Variants in CDH12 observed in about 807,000 individuals in gnomAD.
CDH12 encodes cadherin 12, also known as cadherin-12.
In CDH12, 41 loss-of-function variants were observed where a neutral mutation model predicts 74.1. The observed-to-expected ratio is 0.55, with a 90% CI of 0.43 to 0.72. The LOEUF (loss-of-function observed/expected upper bound fraction) is 0.72, where lower values mean the gene tolerates loss of function less well. CDH12 is among the 30% of genes least tolerant of loss of function. CDH12 has a pLI of 0.00. For missense variants in CDH12, 945 were observed against 977.2 expected, an observed-to-expected ratio of 0.97 and a Z score of 0.44; for synonymous variants, 399 against 355.0, an observed-to-expected ratio of 1.12 and a Z score of -1.39.
chr5:22,830,899 CTT>C (rs1437204675), intron 1 of CDH12, among the ~76,000 whole-genome samples: 25 of 151,576 alleles, frequency 1.6e-4, no homozygotes, highest in African/African-American at 5.1e-4. Flanking sequence ...TGATAACAAA[CTT>C]AAATATGCTA....
intron 4 of CDH12, among the ~76,000 whole-genome samples, chr5:22,166,282 G>A (rs1748677230): frequency 6.6e-6 from 1 of 152,112 alleles, no homozygotes. Flanking sequence ...CCTGGAAGAG[G>A]ACCTAGTTAG....
intron 5 of CDH12, among the ~76,000 whole-genome samples, chr5:22,047,294 G>C (rs1740020914): frequency 6.6e-6 from 1 of 151,916 alleles, no homozygotes; most frequent in African/African-American, 2.4e-5. Context: ...GTAACTTATA[G>C]ACCCTTGTTT....
rs185873995 is a variant in CDH12 at position 22,427,150 on chromosome 5, T to C, written c.-427-21799A>G. ...CACTATCAATTATTTGTACAAACCC[T>C]ATACTTTTAGAGAATAAAGGGAATA... On this transcript the variant is annotated intron_variant, in intron 2 of 14. Transcript: ENST00000382254. Among the ~76,000 whole-genome samples, 596 of 152,258 alleles carry C rather than the reference T, an allele frequency of 3.9e-3. 7 individuals are homozygous for C. Among genetic ancestry groups the C allele is most frequent in the African/African-American group, 0.014 (566 of 41,554 alleles).
intron 3 of CDH12, among the ~76,000 whole-genome samples, chr5:22,319,053 A>C (rs931640297): frequency 2.3e-4 from 35 of 152,288 alleles, no homozygotes; most frequent in African/African-American, 7.7e-4. Flanking sequence ...GGCAAGCTGA[A>C]ATTTCATATC....
intron 3 of CDH12, among the ~76,000 whole-genome samples, chr5:22,391,010 C>T (rs149733978): frequency 1.1e-4 from 17 of 152,208 alleles, no homozygotes; most frequent in East Asian, 7.7e-4. Context: ...ATAGAGTGAA[C>T]TATAGGGTTG....
chr5:22,852,282 A>T (rs1737592288), intron 1 of CDH12, among the ~76,000 whole-genome samples: 1 of 152,052 alleles, frequency 6.6e-6, no homozygotes, highest in African/African-American at 2.4e-5. Flanking sequence ...TGTGGTCCCG[A>T]TGTAGCAAAA....
chr5:22,823,001 A>AG (rs1749791537), intron 1 of CDH12, among the ~76,000 whole-genome samples: 1 of 152,178 alleles, frequency 6.6e-6, no homozygotes. Context: ...CAACAAGGAT[A>AG]GACTGGATTA....
intron 5 of CDH12, among the ~76,000 whole-genome samples, chr5:22,019,872 T>A (rs934952413): frequency 4.6e-5 from 7 of 152,146 alleles, no homozygotes; most frequent in Non-Finnish European, 1.0e-4. Flanking sequence ...GCAACCTAAC[T>A]GTCAATATGT....
Position 21,797,297 on chromosome 5 carries a change from C to G in CDH12, c.1256+4870G>C, listed in dbSNP as rs528858883. Among the ~76,000 whole-genome samples the G allele has an allele frequency of 3.9e-5, 6 of 152,144 alleles. No individual in the cohort carries two copies. The East Asian group carries it at 1.2e-3, about 29-fold the overall frequency. Reference sequence around the variant, plus strand: ...ATAACTCTGTGAAAAGACAGTTAAGCAAAGGAAAACAAAACAAACAGCATA... The same window carrying G: ...ATAACTCTGTGAAAAGACAGTTAAGGAAAGGAAAACAAAACAAACAGCATA... On this transcript the variant is annotated intron_variant, in intron 10 of 14. Coordinates refer to ENST00000382254, the MANE Select transcript of CDH12 (RefSeq NM_004061.5).
At chr5:22,383,740 G>A (rs1226226850) in intron 3 of CDH12, among the ~76,000 whole-genome samples, 2 of 152,090 alleles carry the variant, frequency 1.3e-5, no homozygotes, top group Non-Finnish European at 2.9e-5. Flanking sequence ...AATTCCACTA[G>A]TTACTTTGGG....
intron 8 of CDH12, among the ~76,000 whole-genome samples, chr5:21,825,287 G>C (rs940909382): frequency 6.6e-6 from 1 of 151,986 alleles, no homozygotes; most frequent in Non-Finnish European, 1.5e-5. Flanking sequence ...AGTATCTATT[G>C]TATGTTAGCT....
At chr5:22,235,948 G>A (rs1752546507) in intron 3 of CDH12, among the ~76,000 whole-genome samples, 1 of 152,212 alleles carries the variant, frequency 6.6e-6, no homozygotes, top group Non-Finnish European at 1.5e-5. Flanking sequence ...ACAGACACGA[G>A]CAGCATATTG....
chr5:22,824,422 C>T (rs1749898396), intron 1 of CDH12, among the ~76,000 whole-genome samples: 1 of 152,012 alleles, frequency 6.6e-6, no homozygotes, highest in African/African-American at 2.4e-5. Flanking sequence ...GAAAAGCATA[C>T]ACATACAAAT....
At chr5:22,176,722 T>G (rs1306872959) in intron 4 of CDH12, among the ~76,000 whole-genome samples, 1 of 152,152 alleles carries the variant, frequency 6.6e-6, no homozygotes, top group Non-Finnish European at 1.5e-5. Context: ...ACCAGATCTC[T>G]TCCACAGGGG....
chr5:22,254,424 A>G (rs899399217), intron 3 of CDH12, among the ~76,000 whole-genome samples: 5 of 151,880 alleles, frequency 3.3e-5, no homozygotes, highest in African/African-American at 9.7e-5. Context: ...TAGGACAAAC[A>G]CATCAGAAGA....
intron 1 of CDH12, among the ~76,000 whole-genome samples, chr5:22,843,684 G>A (rs1209539003): frequency 1.3e-5 from 2 of 151,334 alleles, no homozygotes; most frequent in Middle Eastern, 3.4e-3. Flanking sequence ...AAATGTGAAG[G>A]CACTGCAAAA....
At chr5:22,177,031 A>G (rs1749373836) in intron 4 of CDH12, among the ~76,000 whole-genome samples, 1 of 152,082 alleles carries the variant, frequency 6.6e-6, no homozygotes, top group Admixed American at 6.6e-5. Context: ...CCTGCCTTTT[A>G]TTGTAATCAA....
At chr5:22,021,494 G>T (rs1429146928) in intron 5 of CDH12, among the ~76,000 whole-genome samples, 1 of 152,074 alleles carries the variant, frequency 6.6e-6, no homozygotes, top group African/African-American at 2.4e-5. Context: ...GATATTACAC[G>T]GTACAGATGG....
intron 1 of CDH12, among the ~76,000 whole-genome samples, chr5:22,836,558 T>C (rs1432338540): frequency 6.6e-6 from 1 of 152,046 alleles, no homozygotes; most frequent in Non-Finnish European, 1.5e-5. Flanking sequence ...GGGCTTTTTA[T>C]GTTTTAACCT....
Sources: allele counts gnomAD v4.1 joint callset (sites outside exome capture counted in the v4.1 genomes callset), GRCh38; gene constraint gnomAD v4.1.1; transcripts MANE v1.5; gene names NCBI Gene and HGNC (gene_info 2026-07-23, HGNC 2026-07-21).